Variants in SMOC2 observed in about 807,000 individuals in gnomAD.
The protein encoded by SMOC2 is SPARC related modular calcium binding 2.
Under a neutral mutation model 61.4 loss-of-function variants are expected in SMOC2, and 39 were observed. That is an observed-to-expected ratio of 0.64 (90% CI 0.49 to 0.83). The LOEUF is 0.83. Ranked by LOEUF, SMOC2 falls within the 40% of genes least tolerant of loss-of-function variation. SMOC2 has a pLI of 0.00. For synonymous variants in SMOC2, 247 were observed against 239.9 expected (o/e 1.03, Z -0.27); for missense variants, 556 against 592.9 (o/e 0.94, Z 0.65).
At chr6:168,526,278 A>G (rs1164669023) in intron 2 of SMOC2, 68 bp from the exon 3 acceptor site, 20 of 1,418,564 alleles carry the variant, frequency 1.4e-5, no homozygotes, top group Non-Finnish European at 1.7e-5. Flanking sequence ...ACATCTTTCA[A>G]TGTTCCTATA....
chr6:168,445,068 C>T (rs770046800), intron 1 of SMOC2, among the ~76,000 whole-genome samples: 2 of 152,300 alleles, frequency 1.3e-5, no homozygotes, highest in East Asian at 1.9e-4. Flanking sequence ...TTAAAGGTAC[C>T]GTTGTCTCCA....
rs554434717 is a variant in SMOC2 at position 168,518,890 on chromosome 6, C to T, written c.257-7456C>T. On this transcript the variant is annotated intron_variant, in intron 2 of 12. Transcript: ENST00000356284. ...GAATGTATTCATGTGTCTGAGCATG[C>T]GTGTGTGTGCGTGCATGTGTGAGTG... 4.7e-4 allele frequency among the ~76,000 whole-genome samples: 69 copies of T among 147,708 alleles called. 1 individual carries two copies. In the East Asian group the frequency reaches 7.2e-3, roughly 15 times the overall value.
At chr6:168,652,041 C>CAAA (rs34341178) in intron 10 of SMOC2, among the ~76,000 whole-genome samples, 4 of 129,078 alleles carry the variant, frequency 3.1e-5, no homozygotes, top group Non-Finnish European at 1.6e-5. Flanking sequence ...AACTCTGTCT[C>CAAA]AAAAAAAAAA....
intron 1 of SMOC2, among the ~76,000 whole-genome samples, chr6:168,502,678 C>T (rs1000914124): frequency 6.6e-6 from 1 of 152,168 alleles, no homozygotes; most frequent in Non-Finnish European, 1.5e-5. Flanking sequence ...GACAAGCTGC[C>T]TTTGAAAAGC....
chr6:168,652,261 G>A (rs1042860864), intron 10 of SMOC2, among the ~76,000 whole-genome samples: 1 of 152,128 alleles, frequency 6.6e-6, no homozygotes, highest in Admixed American at 6.5e-5. Context: ...TCCTCCGAAA[G>A]GTTGAGAAAT....
rs745419415 is a variant in SMOC2 at position 168,652,905 on chromosome 6, G to A, written c.1011-49G>A. The A allele has an allele frequency of 7.6e-6, 12 of 1,578,724 alleles. No individual in the cohort carries two copies. The Admixed American group carries it at 1.9e-4, about 26-fold the overall frequency. On this transcript the variant is annotated intron_variant, in intron 10 of 12. Transcript: ENST00000356284. ...TGAGGGAAGGACAGTGGCCAGGAAG[G>A]AGCAGCCCAGGGGTTTAAGCATCCT...
In SMOC2 at chr6:168,530,942, C is replaced by T. The variant is rs117015731; in HGVS notation, c.463+3215C>T. On this transcript the variant is annotated intron_variant, in intron 4 of 12. Transcript: ENST00000356284. Reference sequence around the variant, plus strand: ...TTGGCGTCTGCCTGGGTGAGCACTGCGGTTCGCTCGGTTCATCCTACAGAG... The same window carrying T: ...TTGGCGTCTGCCTGGGTGAGCACTGTGGTTCGCTCGGTTCATCCTACAGAG... Among the ~76,000 whole-genome samples the T allele has an allele frequency of 2.3e-4, 35 of 152,278 alleles. 1 individual carries two copies. The East Asian group carries it at 6.8e-3, about 29-fold the overall frequency.
intron 6 of SMOC2, among the ~76,000 whole-genome samples, chr6:168,547,425 G>C (rs1784030998): frequency 6.6e-6 from 1 of 151,964 alleles, no homozygotes; most frequent in Non-Finnish European, 1.5e-5. Flanking sequence ...GGGTAGGATG[G>C]AGGAAACAGA....
intron 1 of SMOC2, among the ~76,000 whole-genome samples, chr6:168,484,603 T>C (rs1782287509): frequency 6.6e-6 from 1 of 152,174 alleles, no homozygotes; most frequent in East Asian, 1.9e-4. Flanking sequence ...ATGTACCCAA[T>C]AGAACTGAAA....
At chr6:168,554,697 G>A (rs1032587931) in intron 7 of SMOC2, among the ~76,000 whole-genome samples, 2 of 152,228 alleles carry the variant, frequency 1.3e-5, no homozygotes, top group African/African-American at 4.8e-5. Context: ...AAGGCAATTT[G>A]GTGTTCGTGG....
intron 1 of SMOC2, among the ~76,000 whole-genome samples, chr6:168,484,028 C>G (rs967988744): frequency 2.0e-5 from 3 of 152,176 alleles, no homozygotes; most frequent in African/African-American, 7.2e-5. Flanking sequence ...ACCGTTAGAT[C>G]TGGCAGTGAC....
intron 11 of SMOC2, 120 bp downstream of exon 11, chr6:168,653,348 A>G: frequency 8.9e-7 from 1 of 1,125,868 alleles, no homozygotes; most frequent in South Asian, 1.6e-5. Flanking sequence ...AAAATCAAAT[A>G]TGCTGTTTAA....
At chr6:168,455,433 G>A (rs756530691) in intron 1 of SMOC2, among the ~76,000 whole-genome samples, 3 of 152,202 alleles carry the variant, frequency 2.0e-5, no homozygotes, top group African/African-American at 4.8e-5. Context: ...CCAAGCCCGG[G>A]CTGGCCTGGC....
At chr6:168,465,033 G>A (rs1159142339) in intron 1 of SMOC2, among the ~76,000 whole-genome samples, 2 of 152,148 alleles carry the variant, frequency 1.3e-5, no homozygotes, top group Admixed American at 6.5e-5. Context: ...GTCCAGGAGC[G>A]GCCCCACCTT....
At chr6:168,586,934 A>G (rs1785059698) in intron 7 of SMOC2, among the ~76,000 whole-genome samples, 1 of 152,230 alleles carries the variant, frequency 6.6e-6, no homozygotes. Flanking sequence ...TTTGTCATTA[A>G]ATATGATGTT....
intron 9 of SMOC2, among the ~76,000 whole-genome samples, chr6:168,648,774 A>T (rs1787112815): frequency 6.6e-6 from 1 of 152,182 alleles, no homozygotes; most frequent in African/African-American, 2.4e-5. Context: ...TGTTTAATGA[A>T]GTGGAAGCCA....
At chr6:168,442,394 C>A (rs912392261) in intron 1 of SMOC2, among the ~76,000 whole-genome samples, 14 of 152,272 alleles carry the variant, frequency 9.2e-5, no homozygotes, top group African/African-American at 2.2e-4. Flanking sequence ...GCCAAGCCAA[C>A]CCGCGGCGGC....
At chr6:168,552,590 C>G (rs1583103389) in intron 7 of SMOC2, among the ~76,000 whole-genome samples, 1 of 152,110 alleles carries the variant, frequency 6.6e-6, no homozygotes, top group Non-Finnish European at 1.5e-5. Flanking sequence ...TCCAAATGCC[C>G]ATGTGCACAC....
rs1782472657 is a variant in SMOC2, at chr6:168,491,607, A to G, written c.85-18308A>G. 1.3e-5 allele frequency among the ~76,000 whole-genome samples: 2 copies of G among 152,262 alleles called. 1 individual carries two copies. Among genetic ancestry groups the G allele is most frequent in the South Asian group, 4.1e-4 (2 of 4,828 alleles). On this transcript the variant is annotated intron_variant, in intron 1 of 12. Coordinates refer to ENST00000356284, the MANE Select transcript of SMOC2 (RefSeq NM_001166412.2). ...TGTAAAGATCAAAAACATTATTGATAATAACAATAAACTATTTAATAAAAA... is the reference window on the plus strand; with the variant it reads ...TGTAAAGATCAAAAACATTATTGATGATAACAATAAACTATTTAATAAAAA...
Sources: allele counts gnomAD v4.1 joint callset (sites outside exome capture counted in the v4.1 genomes callset), GRCh38; gene constraint gnomAD v4.1.1; transcripts MANE v1.5; gene names NCBI Gene and HGNC (gene_info 2026-07-23, HGNC 2026-07-21).